Variants in PLA2G5 observed in about 807,000 individuals in gnomAD.
PLA2G5 encodes Ca2+-dependent phospholipase A2.
PLA2G5 carries 12 observed loss-of-function variants against 15.9 expected under a neutral mutation model. That is an observed-to-expected ratio of 0.76 (90% CI 0.48 to 1.23). The LOEUF is 1.23. Among genes scored for constraint, PLA2G5 ranks in the 50% most tolerant of loss-of-function variants. PLA2G5 has a pLI of 0.00. For missense variants in PLA2G5, 169 were observed against 177.1 expected (o/e 0.95, Z 0.26); for synonymous variants, 71 against 71.4 (o/e 0.99, Z 0.03).
intron 2 of PLA2G5, among the ~76,000 whole-genome samples, chr1:20,063,260 G>A (rs1036746371): frequency 6.6e-6 from 1 of 152,072 alleles, no homozygotes; most frequent in African/African-American, 2.4e-5. Context: ...CAACAAATAG[G>A]TGCCCTGGTT....
chr1:20,082,301 T>G (rs1181207116), intron 1 of PLA2G5, among the ~76,000 whole-genome samples: 1 of 151,824 alleles, frequency 6.6e-6, no homozygotes, highest in Non-Finnish European at 1.5e-5. Flanking sequence ...TGGGGTGGGC[T>G]GTCCGCACGC....
chr1:20,064,783 A>G (rs1486146959), intron 2 of PLA2G5, among the ~76,000 whole-genome samples: 1 of 152,116 alleles, frequency 6.6e-6, no homozygotes, highest in Non-Finnish European at 1.5e-5. Flanking sequence ...CTGGGTCTCC[A>G]GTCTTGTTTG....
chr1:20,048,359 C>T (rs2014021096), intron 1 of PLA2G5, among the ~76,000 whole-genome samples: 1 of 152,066 alleles, frequency 6.6e-6, no homozygotes, highest in African/African-American at 2.4e-5. Context: ...ATACATATCC[C>T]TACCAAATAC....
intron 1 of PLA2G5, among the ~76,000 whole-genome samples, chr1:20,073,099 C>T (rs2015473689): frequency 6.6e-6 from 1 of 152,130 alleles, no homozygotes. Context: ...GGCAGAGTGA[C>T]AGCCTTTCCT....
chr1:20,032,353 G>T (rs78787701), intron 1 of PLA2G5, among the ~76,000 whole-genome samples: 4 of 145,068 alleles, frequency 2.8e-5, no homozygotes, highest in East Asian at 2.0e-4. Flanking sequence ...TGTGTGTGTG[G>T]TTTTTTTTTT....
At chr1:20,037,921 C>G (rs2013361134) in intron 1 of PLA2G5, among the ~76,000 whole-genome samples, 1 of 152,018 alleles carries the variant, frequency 6.6e-6, no homozygotes, top group Non-Finnish European at 1.5e-5. Flanking sequence ...GTGGGGCTTG[C>G]TGCAATGGCT....
intron 1 of PLA2G5, among the ~76,000 whole-genome samples, chr1:20,032,421 A>G (rs1176183852): frequency 6.6e-6 from 1 of 151,704 alleles, no homozygotes; most frequent in Non-Finnish European, 1.5e-5. Flanking sequence ...TTATTGTCAG[A>G]AGGTACTGGA....
At chr1:20,088,673 C>G (rs2016416015) in intron 3 of PLA2G5, among the ~76,000 whole-genome samples, 1 of 152,134 alleles carries the variant, frequency 6.6e-6, no homozygotes, top group African/African-American at 2.4e-5. Flanking sequence ...TCTGCTACAC[C>G]TAACATACAG....
At chr1:20,048,051 CT>C in intron 1 of PLA2G5, among the ~76,000 whole-genome samples, 1 of 152,138 alleles carries the variant, frequency 6.6e-6, no homozygotes, top group South Asian at 2.1e-4. Context: ...ATAAGATGTA[CT>C]TCTATTGGCA....
intron 1 of PLA2G5, among the ~76,000 whole-genome samples, chr1:20,033,333 C>T (rs1291998593): frequency 2.6e-5 from 4 of 152,114 alleles, no homozygotes; most frequent in African/African-American, 9.7e-5. Flanking sequence ...CTAAGAGGTC[C>T]AGGCAGGAGT....
chr1:20,078,169 A>C lies in PLA2G5; in HGVS notation c.-10-6652A>C, dbSNP rs2015790322. Reference sequence around the variant, plus strand: ...GGTGGACTTCAAGATGAGTGCCCTGAAGGACTGAGGAGGTGACCCCCAAGC... The same window carrying C: ...GGTGGACTTCAAGATGAGTGCCCTGCAGGACTGAGGAGGTGACCCCCAAGC... On this transcript the variant is annotated intron_variant, in intron 1 of 4. Coordinates refer to ENST00000375108, the MANE Select transcript of PLA2G5 (RefSeq NM_000929.3). Among the ~76,000 whole-genome samples, 4 of 152,184 alleles carry C rather than the reference A, an allele frequency of 2.6e-5. No homozygotes were observed. In the South Asian group the frequency reaches 8.3e-4, roughly 32 times the overall value.
chr1:20,081,377 G>A (rs1167427187), intron 1 of PLA2G5, among the ~76,000 whole-genome samples: 3 of 151,296 alleles, frequency 2.0e-5, no homozygotes, highest in Non-Finnish European at 4.4e-5. Context: ...GTATGGGGAG[G>A]CCAACAGATC....
At chr1:20,028,958 G>T (rs537913743) in intron 1 of PLA2G5, among the ~76,000 whole-genome samples, 1 of 152,226 alleles carries the variant, frequency 6.6e-6, no homozygotes, top group Admixed American at 6.5e-5. Flanking sequence ...AGTGTCTAGG[G>T]ATGAGTGTTT....
chr1:20,086,319 T>G, intron 3 of PLA2G5, 92 bp downstream of exon 3: 1 of 1,338,626 alleles, frequency 7.5e-7, no homozygotes, highest in African/African-American at 1.5e-5. Flanking sequence ...AGATGAGTAT[T>G]AAAGTACCAT....
chr1:20,029,545 G>C (rs920444001), intron 1 of PLA2G5, among the ~76,000 whole-genome samples: 1 of 152,166 alleles, frequency 6.6e-6, no homozygotes, highest in Non-Finnish European at 1.5e-5. Context: ...GCAGGCGAGG[G>C]TGGTCTTGGG....
chr1:20,064,377 C>A (rs1376505093), intron 2 of PLA2G5, among the ~76,000 whole-genome samples: 1 of 151,952 alleles, frequency 6.6e-6, no homozygotes, highest in Non-Finnish European at 1.5e-5. Flanking sequence ...AGTTCAAGAC[C>A]AGCCTGACCA....
intron 1 of PLA2G5, among the ~76,000 whole-genome samples, chr1:20,052,947 C>G (rs1046170677): frequency 1.3e-5 from 2 of 152,176 alleles, no homozygotes; most frequent in African/African-American, 4.8e-5. Context: ...AGCCCCCTCC[C>G]CACTTCAAAT....
At chr1:20,037,883 G>A (rs2013357229) in intron 1 of PLA2G5, among the ~76,000 whole-genome samples, 1 of 152,144 alleles carries the variant, frequency 6.6e-6, no homozygotes, top group Admixed American at 6.5e-5. Context: ...AGCAGGGTTA[G>A]GCATGTCTGA....
intron 1 of PLA2G5, among the ~76,000 whole-genome samples, chr1:20,056,448 C>A (rs924786782): frequency 6.6e-6 from 1 of 152,034 alleles, no homozygotes; most frequent in African/African-American, 2.4e-5. Flanking sequence ...TTGTAAAATG[C>A]CTTTTCTGTA....
Sources: gnomAD v4.1 joint callset for allele counts (sites outside exome capture counted in the v4.1 genomes callset) on GRCh38, gnomAD v4.1.1 for gene constraint, MANE v1.5 for transcripts, NCBI Gene and HGNC (gene_info 2026-07-23, HGNC 2026-07-21) for gene names.